The following OSBPL10 variants were observed in gnomAD, a reference collection of about 807,000 sequenced individuals.
OSBPL10 encodes oxysterol-binding protein-related protein 10.
A neutral mutation model predicts 81.7 loss-of-function variants in OSBPL10; 49 were observed. The ratio of observed to expected loss-of-function variants is 0.60; its 90% CI spans 0.48 to 0.76. The LOEUF (loss-of-function observed/expected upper bound fraction) is 0.76. OSBPL10 is among the 30% of genes least tolerant of loss of function. The pLI, the probability that OSBPL10 is intolerant of heterozygous loss-of-function variation, is 0.00. For missense variants in OSBPL10, 923 were observed against 987.8 expected (o/e 0.93, Z 0.88); for synonymous variants, 419 against 383.6 (o/e 1.09, Z -1.08).
At position 32,064,421 on chromosome 3, in the gene OSBPL10, T is replaced by G. The variant is rs1198102376; in HGVS notation, n.185+12975A>C. ...TGATATTTCACCATCTTTTCAGGAG[T>G]GTTAGATGTCAACCTGAAATAATCA... On this transcript the variant is annotated intron_variant and non_coding_transcript_variant, in intron 1 of 3. Coordinates refer to the OSBPL10 transcript ENST00000479173. The G allele has an allele frequency of 3.2e-5, 3 of 92,880 alleles. 1 individual carries two copies. The highest frequency in any genetic ancestry group is 8.3e-5 in the African/African-American group (3 of 35,962). 5.8% of individuals were successfully genotyped at this position (92,880 alleles called of 1,614,324 possible).
At chr3:31,698,893 TTTC>T (rs1695808713) in intron 7 of OSBPL10, among the ~76,000 whole-genome samples, 1 of 152,174 alleles carries the variant, frequency 6.6e-6, no homozygotes, top group Non-Finnish European at 1.5e-5. Context: ...TCCATCTCCT[TTTC>T]TTTTCCCTCC....
intron 8 of OSBPL10, among the ~76,000 whole-genome samples, chr3:31,677,634 G>A (rs1471814805): frequency 1.3e-5 from 2 of 152,198 alleles, no homozygotes; most frequent in African/African-American, 4.8e-5. Context: ...GTGTTCCACG[G>A]CTTCTCACCC....
chr3:31,897,942 A>G (rs1218061425), intron 1 of OSBPL10, among the ~76,000 whole-genome samples: 1 of 133,000 alleles, frequency 7.5e-6, no homozygotes, highest in African/African-American at 2.7e-5. Flanking sequence ...TGGTAGGAGG[A>G]GGTTGCAGTG....
intron 2 of OSBPL10, chr3:32,030,472 A>C: frequency 2.9e-6 from 2 of 692,076 alleles, no homozygotes; most frequent in Non-Finnish European, 5.4e-6. Flanking sequence ...TAATGTGCGT[A>C]TTAAGCGTAT....
At chr3:31,731,979 C>G (rs898742525) in intron 6 of OSBPL10, among the ~76,000 whole-genome samples, 11 of 152,182 alleles carry the variant, frequency 7.2e-5, no homozygotes, top group Non-Finnish European at 1.2e-4. Flanking sequence ...TCAGAAATAG[C>G]ATGAGCCATA....
intron 3 of OSBPL10, among the ~76,000 whole-genome samples, chr3:31,871,525 T>G (rs1432185172): frequency 1.3e-5 from 2 of 152,166 alleles, no homozygotes; most frequent in African/African-American, 4.8e-5. Context: ...CCGGACACAC[T>G]GTAACACCAC....
chr3:31,876,544 T>G (rs748101295), intron 2 of OSBPL10, 32 bp from the exon 3 acceptor site: 2 of 1,567,638 alleles, frequency 1.3e-6, no homozygotes, highest in Non-Finnish European at 8.8e-7. Context: ...AAGAAATGAT[T>G]GCAGAGATTG....
intron 4 of OSBPL10, among the ~76,000 whole-genome samples, chr3:31,792,227 A>G (rs1202477291): frequency 6.7e-6 from 1 of 148,598 alleles, no homozygotes; most frequent in Non-Finnish European, 1.5e-5. Flanking sequence ...CCTGTCTCCA[A>G]AAAAAAAAAA....
chr3:31,877,067 C>T (rs1306465137), intron 2 of OSBPL10, among the ~76,000 whole-genome samples: 1 of 152,028 alleles, frequency 6.6e-6, no homozygotes, highest in Non-Finnish European at 1.5e-5. Flanking sequence ...CCATGCCCGG[C>T]TATTTTTTTT....
At chr3:31,899,524 G>C (rs578201930) in intron 1 of OSBPL10, among the ~76,000 whole-genome samples, 8 of 152,238 alleles carry the variant, frequency 5.3e-5, no homozygotes, top group African/African-American at 1.9e-4. Flanking sequence ...TTAAACAACA[G>C]ATACTGCAAA....
intron 3 of OSBPL10, among the ~76,000 whole-genome samples, chr3:31,861,785 A>G (rs1701061498): frequency 6.6e-6 from 1 of 152,128 alleles, no homozygotes; most frequent in East Asian, 1.9e-4. Context: ...GATTCTTTCT[A>G]TTCTGGGTGG....
At chr3:31,942,348 C>G (rs1697559772) in intron 1 of OSBPL10, among the ~76,000 whole-genome samples, 1 of 151,432 alleles carries the variant, frequency 6.6e-6, no homozygotes, top group African/African-American at 2.4e-5. Context: ...TTGAGACCAG[C>G]CTGGTCAACA....
chr3:31,730,366 AAAG>A (rs1336147750), intron 6 of OSBPL10, among the ~76,000 whole-genome samples: 1 of 152,108 alleles, frequency 6.6e-6, no homozygotes, highest in Non-Finnish European at 1.5e-5. Flanking sequence ...GGAAAAAAAA[AAAG>A]AAAAAGTCAA....
At chr3:31,936,736 A>G (rs1379299021) in intron 1 of OSBPL10, among the ~76,000 whole-genome samples, 1 of 152,214 alleles carries the variant, frequency 6.6e-6, no homozygotes, top group East Asian at 1.9e-4. Context: ...CTTCCATGAA[A>G]AGAGCCACAC....
At chr3:31,991,173 G>T in intron 2 of OSBPL10, 1 of 642,558 alleles carries the variant, frequency 1.6e-6, no homozygotes, top group South Asian at 2.2e-5. Context: ...GGGCTGGGCA[G>T]GGTGGCTTAT....
At chr3:31,723,403 T>C (rs1280156420) in intron 6 of OSBPL10, among the ~76,000 whole-genome samples, 11 of 152,148 alleles carry the variant, frequency 7.2e-5, no homozygotes, top group Non-Finnish European at 1.3e-4. Flanking sequence ...GGGGACAGGA[T>C]GGATAGCCAA....
At chr3:31,989,605 G>C in intron 2 of OSBPL10, 1 of 1,614,150 alleles carries the variant, frequency 6.2e-7, no homozygotes, top group Non-Finnish European at 8.5e-7. Context: ...AGGGAAAGTT[G>C]GTAATCAAGT....
chr3:31,906,998 TAC>T (rs1441492304), intron 1 of OSBPL10: 2 of 152,188 alleles, frequency 1.3e-5, no homozygotes, highest in African/African-American at 4.8e-5. Flanking sequence ...GCAGTGAAAT[TAC>T]ACAGTCTGCC....
intron 1 of OSBPL10, among the ~76,000 whole-genome samples, chr3:31,980,014 A>ATTTT (rs922179498): frequency 1.4e-5 from 2 of 147,616 alleles, no homozygotes; most frequent in South Asian, 2.1e-4. Context: ...TTATTTATTT[A>ATTTT]TTTTTTTTGA....
Sources: gnomAD v4.1 joint callset for allele counts (sites outside exome capture counted in the v4.1 genomes callset) on GRCh38, gnomAD v4.1.1 for gene constraint, MANE v1.5 for transcripts, NCBI Gene and HGNC (gene_info 2026-07-23, HGNC 2026-07-21) for gene names.